The following FSTL1 variants were observed in gnomAD, a reference collection of about 807,000 sequenced individuals.
FSTL1 encodes the protein follistatin-related protein 1.
A neutral mutation model predicts 45.9 loss-of-function variants in FSTL1; 24 were observed. The observed-to-expected ratio is 0.52, with a 90% CI of 0.38 to 0.74. The LOEUF (loss-of-function observed/expected upper bound fraction) is 0.74, where lower values mean the gene tolerates loss of function less well. FSTL1 is among the 30% of genes least tolerant of loss of function. FSTL1 has a pLI of 0.00. For synonymous variants in FSTL1, 120 were observed against 137.6 expected (o/e 0.87, Z 0.89); for missense variants, 340 against 381.8 (o/e 0.89, Z 0.91).
intron 3 of FSTL1, among the ~76,000 whole-genome samples, chr3:120,412,836 G>GCACACACA (rs1489987751): frequency 6.2e-4 from 45 of 72,820 alleles, no homozygotes; most frequent in African/African-American, 1.4e-3. Flanking sequence ...GCGCGCGCGC[G>GCACACACA]CGCACACACA....
intron 2 of FSTL1, among the ~76,000 whole-genome samples, chr3:120,449,854 A>G (rs1370880970): frequency 1.3e-5 from 2 of 152,262 alleles, no homozygotes; most frequent in Non-Finnish European, 2.9e-5. Flanking sequence ...ATTTCCTGCC[A>G]TAATTATCAA....
At chr3:120,441,692 C>T (rs987199032) in intron 2 of FSTL1, among the ~76,000 whole-genome samples, 14 of 152,134 alleles carry the variant, frequency 9.2e-5, no homozygotes, top group Admixed American at 7.2e-4. Flanking sequence ...ACACACGCAC[C>T]CATGGCTTTT....
At chr3:120,440,926 C>T (rs937266941) in intron 2 of FSTL1, among the ~76,000 whole-genome samples, 1 of 152,128 alleles carries the variant, frequency 6.6e-6, no homozygotes, top group Non-Finnish European at 1.5e-5. Flanking sequence ...GCTCCAGGGC[C>T]AGGAAGGGGT....
In FSTL1 at chr3:120,395,850, C is replaced by T. The variant is rs891680478; in HGVS notation, c.*1102G>A. On this transcript the variant is annotated 3_prime_UTR_variant, in exon 11 of 11. Transcript: ENST00000295633. ...GGGCCAACTCACCCTCCTAGTTAGT[C>T]GAATGAGCATATTGGTAGGCTGGGA... is the stretch of plus-strand genomic sequence containing the variant. 32 of 404,194 alleles carry T rather than the reference C, an allele frequency of 7.9e-5. No individual in the cohort carries two copies. Among genetic ancestry groups the T allele is most frequent in the Non-Finnish European group, 1.6e-4 (32 of 205,384 alleles). The allele number at this position is 404,194 out of a possible 1,614,324, so 25.0% of individuals were successfully genotyped here. A position where few individuals can be genotyped will look rare whatever the true frequency, so the allele number is the denominator to read the frequency against.
chr3:120,417,037 ACTGG>A (rs1937198521), intron 2 of FSTL1, among the ~76,000 whole-genome samples: 1 of 152,154 alleles, frequency 6.6e-6, no homozygotes, highest in Non-Finnish European at 1.5e-5. Context: ...TCTCATCCTG[ACTGG>A]CTGGGCAGGC....
In FSTL1 at chr3:120,412,832, G is replaced by A. The variant is rs867064096; in HGVS notation, c.169-849C>T. ...CACACACACATGTGCGCGCGCGCGC[G>A]CGCGCGCACACACACACACACACAC... On this transcript the variant is annotated intron_variant, in intron 3 of 10. Coordinates refer to ENST00000295633, the MANE Select transcript of FSTL1 (RefSeq NM_007085.5). Among the ~76,000 whole-genome samples the A allele has an allele frequency of 4.4e-3, 570 of 128,490 alleles. 4 individuals carry two copies. Among genetic ancestry groups the A allele is most frequent in the African/African-American group, 0.014 (421 of 29,466 alleles). The allele number at this position is 128,490 out of a possible 152,430, so 84.3% of individuals were successfully genotyped here.
chr3:120,398,069 T>G lies in FSTL1; in HGVS notation c.883-1073A>C, dbSNP rs537250967. Among the ~76,000 whole-genome samples the G allele has an allele frequency of 2.0e-5, 3 of 152,198 alleles. No homozygotes were observed. The East Asian group carries it at 5.8e-4, about 29-fold the overall frequency. ...GCAAATTTATAGTTAGAAAGTAGAT[T>G]AGTGGCTGCAAAGGGCTGGAGGAAG... On this transcript the variant is annotated intron_variant, in intron 10 of 10. Coordinates refer to ENST00000295633, the MANE Select transcript of FSTL1 (RefSeq NM_007085.5).
At chr3:120,413,794 C>CA (rs1174082366) in intron 3 of FSTL1, among the ~76,000 whole-genome samples, 18 of 1,628 alleles carry the variant, frequency 0.011, 1 homozygote, top group African/African-American at 0.014. Context: ...TCCCTCTCCC[C>CA]CTCCCCCTCC....
chr3:120,441,844 C>T (rs76110106), intron 2 of FSTL1, among the ~76,000 whole-genome samples: 2,964 of 152,312 alleles, frequency 0.019, 109 homozygotes, highest in African/African-American at 0.069. Context: ...GGATTAAGCC[C>T]GTTTTAGAGA....
Position 120,408,423 on chromosome 3 carries a change from A to G in FSTL1, c.462+1109T>C, listed in dbSNP as rs575456752. Among the ~76,000 whole-genome samples the G allele has an allele frequency of 9.2e-5, 14 of 152,396 alleles. No homozygotes were observed. The South Asian group carries it at 2.9e-3, about 32-fold the overall frequency. ...GACACAAGTGAAGTCTTAAATGACC[A>G]AATATCCATTTGAAGCCAACCCAGT... is the stretch of plus-strand genomic sequence containing the variant. On this transcript the variant is annotated intron_variant, in intron 6 of 10. Transcript: ENST00000295633.
intron 9 of FSTL1, among the ~76,000 whole-genome samples, 165 bp downstream of exon 9, chr3:120,402,643 A>G (rs942875501): frequency 2.6e-5 from 4 of 152,012 alleles, no homozygotes; most frequent in African/African-American, 9.7e-5. Flanking sequence ...TTCTGCCCTC[A>G]AAGCTCCCCA....
intron 2 of FSTL1, among the ~76,000 whole-genome samples, chr3:120,434,265 G>C (rs958810731): frequency 6.6e-6 from 1 of 152,168 alleles, no homozygotes; most frequent in Non-Finnish European, 1.5e-5. Context: ...AAATAAAAGA[G>C]AAAATTCCTG....
rs1212120862 is a variant in FSTL1 at position 120,393,109 on chromosome 3, G to C, written c.*3843C>G. On this transcript the variant is annotated 3_prime_UTR_variant, in exon 11 of 11. Transcript: ENST00000295633. ...TGTGGACAAGGTACCCTTCAAACTG[G>C]GTTTAAGATTCCCTTCTGAGAATGA... 6.6e-6 allele frequency: 1 copy of C among 152,084 alleles called. No homozygotes were observed. The highest frequency in any genetic ancestry group is 1.5e-5 in the Non-Finnish European group (1 of 68,016). 9.4% of individuals were successfully genotyped at this position (152,084 alleles called of 1,614,324 possible). A position where few individuals can be genotyped will look rare whatever the true frequency, so the allele number is the denominator to read the frequency against.
At chr3:120,443,156 G>C (rs554799498) in intron 2 of FSTL1, among the ~76,000 whole-genome samples, 2 of 149,484 alleles carry the variant, frequency 1.3e-5, no homozygotes, top group Non-Finnish European at 2.9e-5. Flanking sequence ...ATACTGATTA[G>C]GTGGACAGGC....
In FSTL1 at chr3:120,443,271, G is replaced by C. The variant is rs192483080; in HGVS notation, c.63+7413C>G. 5.4e-5 allele frequency among the ~76,000 whole-genome samples: 8 copies of C among 149,340 alleles called. No individual in the cohort carries two copies. The South Asian group carries it at 1.2e-3, about 23-fold the overall frequency. ...AGGATTTTCTGAAGTAGTGCCAAGA[G>C]GTGAGGAAGGGGAATTTCTGCTAAA... is the stretch of plus-strand genomic sequence containing the variant. On this transcript the variant is annotated intron_variant, in intron 2 of 10. Coordinates refer to ENST00000295633, the MANE Select transcript of FSTL1 (RefSeq NM_007085.5).
Position 120,450,675 on chromosome 3 carries a change from C to T in FSTL1, c.63+9G>A. The T allele has an allele frequency of 1.3e-6, 2 of 1,561,134 alleles. No homozygotes were observed. The highest frequency in any genetic ancestry group is 1.7e-6 in the Non-Finnish European group (2 of 1,161,026). ...GGACCGAGTTCGGACTCCTCGGCCC[C>T]TCGCCTACCTCGGCGCGGACCCAGG... On this transcript the variant is annotated intron_variant, in intron 2 of 10. Transcript: ENST00000295633.
rs1479930388 is a variant in FSTL1, at chr3:120,443,534, T to TA, written c.63+7149dup. Among the ~76,000 whole-genome samples the TA allele has an allele frequency of 1.3e-5, 2 of 149,886 alleles. 1 individual carries two copies. Among genetic ancestry groups the TA allele is most frequent in the African/African-American group, 5.1e-5 (2 of 39,212 alleles). On this transcript the variant is annotated intron_variant, in intron 2 of 10. Transcript: ENST00000295633. ...AAATTTTGCCTCAGACATAGGATTT[T>TA]AAATCTTGAAACAACAAAAAGTATA... is the stretch of plus-strand genomic sequence containing the variant.
intron 2 of FSTL1, among the ~76,000 whole-genome samples, chr3:120,435,993 G>C (rs1180803233): frequency 6.6e-6 from 1 of 151,994 alleles, no homozygotes; most frequent in African/African-American, 2.4e-5. Context: ...GACCAACATA[G>C]TGGGGTAGTC....
chr3:120,403,945 C>CAAAAAA (rs1560011583), intron 7 of FSTL1, among the ~76,000 whole-genome samples: 1 of 74,460 alleles, frequency 1.3e-5, no homozygotes, highest in African/African-American at 5.7e-5. Flanking sequence ...AAAAAAAAAA[C>CAAAAAA]AAAAACAAAA....
Sources: gnomAD v4.1 joint callset for allele counts (sites outside exome capture counted in the v4.1 genomes callset) on GRCh38, gnomAD v4.1.1 for gene constraint, MANE v1.5 for transcripts, NCBI Gene and HGNC (gene_info 2026-07-23, HGNC 2026-07-21) for gene names.